The following GALNT13 variants were observed in gnomAD, a reference collection of about 807,000 sequenced individuals.
GALNT13 encodes UDP-GalNAc:polypeptide N-acetylgalactosaminyltransferase 13.
GALNT13 carries 28 observed loss-of-function variants against 64.2 expected under a neutral mutation model. That is an observed-to-expected ratio of 0.44 (90% confidence interval 0.32 to 0.60). The LOEUF (loss-of-function observed/expected upper bound fraction) is 0.60, where lower values mean the gene tolerates loss of function less well. GALNT13 is among the 20% of genes least tolerant of loss of function. GALNT13 has a pLI of 0.05. For synonymous variants in GALNT13, 214 were observed against 224.6 expected (o/e 0.95, Z 0.42); for missense variants, 577 against 669.8 (o/e 0.86, Z 1.53).
At chr2:153,683,746 A>G in the GALNT13 span, among the ~76,000 whole-genome samples, 1 of 151,818 alleles carries the variant, frequency 6.6e-6, no homozygotes, top group South Asian at 2.1e-4. Flanking sequence ...ATAGGCTTTG[A>G]ACTAAATGGT....
At chr2:153,237,072 A>G in the GALNT13 span, among the ~76,000 whole-genome samples, 1 of 152,124 alleles carries the variant, frequency 6.6e-6, no homozygotes, top group African/African-American at 2.4e-5. Flanking sequence ...TGTGGTGGGA[A>G]TAGCAAAAGA....
chr2:154,146,537 A>G (rs1412385705), intron 4 of GALNT13, among the ~76,000 whole-genome samples: 2 of 152,044 alleles, frequency 1.3e-5, no homozygotes, highest in Non-Finnish European at 2.9e-5. Flanking sequence ...AGAATATGCT[A>G]CCCTAAAATA....
the GALNT13 span, among the ~76,000 whole-genome samples, chr2:153,553,551 T>C: frequency 6.6e-6 from 1 of 152,206 alleles, no homozygotes; most frequent in East Asian, 1.9e-4. Context: ...CAATGAATGA[T>C]TGAACCATTG....
At chr2:154,227,974 C>A (rs1008735709) in intron 4 of GALNT13, among the ~76,000 whole-genome samples, 1 of 152,028 alleles carries the variant, frequency 6.6e-6, no homozygotes, top group Admixed American at 6.6e-5. Context: ...TATGGTAATT[C>A]TCAATCACTG....
At chr2:153,542,002 T>C in the GALNT13 span, among the ~76,000 whole-genome samples, 1 of 152,124 alleles carries the variant, frequency 6.6e-6, no homozygotes, top group African/African-American at 2.4e-5. Context: ...CCTGACAAGT[T>C]GCAAACGAAT....
At chr2:153,697,038 G>GGCTTTCTTT in the GALNT13 span, among the ~76,000 whole-genome samples, 276 of 152,334 alleles carry the variant, frequency 1.8e-3, 1 homozygote, top group African/African-American at 5.6e-3. Flanking sequence ...AGGGTTTGCA[G>GGCTTTCTTT]AAGCCTTTAT....
intron 3 of GALNT13, among the ~76,000 whole-genome samples, chr2:153,950,749 G>T (rs1167100746): frequency 1.3e-5 from 2 of 152,046 alleles, no homozygotes; most frequent in African/African-American, 2.4e-5. Flanking sequence ...GCACTTCAGA[G>T]ACTTCCATCA....
chr2:153,992,795 G>A (rs1695246342), intron 3 of GALNT13, among the ~76,000 whole-genome samples: 1 of 152,070 alleles, frequency 6.6e-6, no homozygotes, highest in Non-Finnish European at 1.5e-5. Context: ...AAAACCAATG[G>A]CAGCACTAAC....
Position 153,994,770 on chromosome 2 carries a change from T to C in GALNT13, c.142+50131T>C, listed in dbSNP as rs566502161. ...CCCACTTGTTGATGGGGTTGTTTTG[T>C]TTTTTTCTTGTAAATTTGTTTGAGT... On this transcript the variant is annotated intron_variant, in intron 3 of 12. Transcript: ENST00000392825. Among the ~76,000 whole-genome samples the C allele has an allele frequency of 2.4e-4, 24 of 98,764 alleles. No individual in the cohort carries two copies. In the South Asian group the frequency reaches 7.6e-3, roughly 31 times the overall value. 64.8% of individuals were successfully genotyped at this position (98,764 alleles called of 152,430 possible).
At chr2:154,088,230 C>A (rs1701630006) in intron 3 of GALNT13, among the ~76,000 whole-genome samples, 1 of 152,058 alleles carries the variant, frequency 6.6e-6, no homozygotes, top group Non-Finnish European at 1.5e-5. Context: ...TTCCAATATT[C>A]TTTTCTCTTG....
the GALNT13 span, among the ~76,000 whole-genome samples, chr2:153,072,771 A>G: frequency 6.6e-6 from 1 of 152,224 alleles, no homozygotes; most frequent in Non-Finnish European, 1.5e-5. Context: ...ATTCCCAATT[A>G]GTGATGTCCT....
At chr2:154,364,863 G>A (rs77180429) in intron 9 of GALNT13, among the ~76,000 whole-genome samples, 1 of 152,130 alleles carries the variant, frequency 6.6e-6, no homozygotes, top group African/African-American at 2.4e-5. Context: ...TAGAGACGGG[G>A]TTTTGCCATG....
the GALNT13 span, among the ~76,000 whole-genome samples, chr2:153,310,948 A>C: frequency 6.6e-6 from 1 of 152,192 alleles, no homozygotes; most frequent in East Asian, 1.9e-4. Flanking sequence ...GGGATGTTAC[A>C]TTGTTTGGCA....
At chr2:153,263,988 G>A in the GALNT13 span, among the ~76,000 whole-genome samples, 1 of 152,114 alleles carries the variant, frequency 6.6e-6, no homozygotes, top group African/African-American at 2.4e-5. Context: ...AGAAAACAAA[G>A]CTATCATCAT....
At chr2:153,068,469 A>G in the GALNT13 span, among the ~76,000 whole-genome samples, 3 of 152,120 alleles carry the variant, frequency 2.0e-5, no homozygotes, top group Non-Finnish European at 4.4e-5. Context: ...GGTTTTTAAT[A>G]ATCCATCATT....
chr2:153,902,547 C>T (rs1191177624), intron 2 of GALNT13, among the ~76,000 whole-genome samples: 1 of 152,008 alleles, frequency 6.6e-6, no homozygotes, highest in Non-Finnish European at 1.5e-5. Flanking sequence ...TATCTTCAAA[C>T]TGGATTGCAG....
At chr2:153,655,796 G>T in the GALNT13 span, among the ~76,000 whole-genome samples, 1 of 152,036 alleles carries the variant, frequency 6.6e-6, no homozygotes, top group African/African-American at 2.4e-5. Flanking sequence ...TAGAATATTT[G>T]AGAAATGTTT....
the GALNT13 span, among the ~76,000 whole-genome samples, chr2:153,149,088 T>TAAA: frequency 6.6e-6 from 1 of 151,840 alleles, no homozygotes; most frequent in Non-Finnish European, 1.5e-5. Flanking sequence ...TAGGACCAGT[T>TAAA]AAAAAATAAC....
the GALNT13 span, among the ~76,000 whole-genome samples, chr2:153,246,876 C>T: frequency 3.9e-5 from 6 of 151,992 alleles, no homozygotes; most frequent in Non-Finnish European, 7.4e-5. Context: ...TGTCAAGACC[C>T]ATCACGGTGC....
Sources: gnomAD v4.1 joint callset for allele counts (sites outside exome capture counted in the v4.1 genomes callset) on GRCh38, gnomAD v4.1.1 for gene constraint, MANE v1.5 for transcripts, NCBI Gene and HGNC (gene_info 2026-07-23, HGNC 2026-07-21) for gene names.